The following PSMG2 variants were observed in gnomAD, a reference collection of about 807,000 sequenced individuals.
PSMG2 encodes proteasome assembly chaperone 2, also known as CD40 ligand-activated specific transcript 3.
A neutral mutation model predicts 31.5 loss-of-function variants in PSMG2; 21 were observed. The ratio of observed to expected loss-of-function variants is 0.67; its 90% CI spans 0.47 to 0.96. The LOEUF (loss-of-function observed/expected upper bound fraction) is 0.96. PSMG2 is among the 40% of genes least tolerant of loss of function. PSMG2 has a pLI of 0.00. For synonymous variants in PSMG2, 120 were observed against 110.4 expected (o/e 1.09, Z -0.54); for missense variants, 318 against 321.2 (o/e 0.99, Z 0.08).
In PSMG2 at chr18:12,686,460, A is replaced by G. The variant is rs368220385; in HGVS notation, c.-36-20090A>G. 195 of 1,590,824 alleles carry G rather than the reference A, an allele frequency of 1.2e-4. No individual in the cohort carries two copies. The African/African-American group carries it at 2.2e-3, about 18-fold the overall frequency. ...TTATCCCATTTTCATCCTAGGGAAAAGGGGAAAAACATCTGTAATGACATA... is the reference window on the plus strand; with the variant it reads ...TTATCCCATTTTCATCCTAGGGAAAGGGGGAAAAACATCTGTAATGACATA... On this transcript the variant is annotated intron_variant, in intron 1 of 6. Transcript: ENST00000585331.
chr18:12,661,418 G>A, intron 1 of PSMG2: 1 of 915,580 alleles, frequency 1.1e-6, no homozygotes, highest in Non-Finnish European at 1.3e-6. Flanking sequence ...CTTCTCAGTG[G>A]AGTTCTAGCA....
intron 1 of PSMG2, chr18:12,665,022 T>G (rs959935610): frequency 6.6e-6 from 1 of 152,094 alleles, no homozygotes; most frequent in Non-Finnish European, 1.5e-5. Flanking sequence ...AGATGGCCCT[T>G]TCCTGTTGCT....
Position 12,697,422 on chromosome 18 carries a change from C to G in PSMG2, c.-36-9128C>G, listed in dbSNP as rs1043849280. Reference sequence around the variant, plus strand: ...TAGTTCCATCACCTAGCAATATAATCCAAACGAAATTATACCACACTACAT... The same window carrying G: ...TAGTTCCATCACCTAGCAATATAATGCAAACGAAATTATACCACACTACAT... On this transcript the variant is annotated intron_variant, in intron 1 of 6. Coordinates refer to the PSMG2 transcript ENST00000585331. 2.5e-6 allele frequency: 4 copies of G among 1,575,954 alleles called. No individual in the cohort carries two copies. The Admixed American group carries it at 7.1e-5, about 28-fold the overall frequency.
chr18:12,709,323 C>T (rs1167494012), intron 2 of PSMG2, among the ~76,000 whole-genome samples: 1 of 151,554 alleles, frequency 6.6e-6, no homozygotes, highest in East Asian at 2.0e-4. Context: ...GGATTACAGG[C>T]GTGAGCCACC....
At chr18:12,690,957 C>A (rs977912633) in intron 1 of PSMG2, among the ~76,000 whole-genome samples, 1 of 147,936 alleles carries the variant, frequency 6.8e-6, no homozygotes, top group Non-Finnish European at 1.5e-5. Context: ...CCGTTCTGCA[C>A]ACAAGAGCTG....
chr18:12,703,731 C>A (rs1180044322), intron 1 of PSMG2, among the ~76,000 whole-genome samples: 1 of 152,092 alleles, frequency 6.6e-6, no homozygotes, highest in Non-Finnish European at 1.5e-5. Flanking sequence ...AGGCTAGAAG[C>A]TTGAAAGGGT....
chr18:12,718,661 T>C, intron 4 of PSMG2, 26 bp downstream of exon 4: 2 of 1,522,862 alleles, frequency 1.3e-6, no homozygotes, highest in Non-Finnish European at 1.8e-6. Flanking sequence ...TGGAAAGTTA[T>C]TTTTGGTATG....
chr18:12,705,820 C>T (rs2040263286), intron 1 of PSMG2, among the ~76,000 whole-genome samples: 1 of 152,074 alleles, frequency 6.6e-6, no homozygotes, highest in African/African-American at 2.4e-5. Flanking sequence ...AGTCTTTCCT[C>T]GAACACTCTA....
At chr18:12,680,674 A>G in intron 1 of PSMG2, 7 of 1,610,626 alleles carry the variant, frequency 4.3e-6, no homozygotes, top group Non-Finnish European at 5.9e-6. Context: ...GTGTCCTGTT[A>G]AACTCTCCCA....
chr18:12,675,067 G>T, intron 1 of PSMG2, among the ~76,000 whole-genome samples: 1 of 128,410 alleles, frequency 7.8e-6, no homozygotes, highest in South Asian at 2.3e-4. Context: ...TGGAGGACAG[G>T]TATAATTCTT....
At chr18:12,682,794 G>A (rs2039397357) in intron 1 of PSMG2, among the ~76,000 whole-genome samples, 1 of 151,468 alleles carries the variant, frequency 6.6e-6, no homozygotes, top group Non-Finnish European at 1.5e-5. Flanking sequence ...GCTAATTTTT[G>A]TATTTTTAGT....
chr18:12,689,331 A>T (rs1467616698), intron 1 of PSMG2, among the ~76,000 whole-genome samples: 1 of 152,194 alleles, frequency 6.6e-6, no homozygotes, highest in Non-Finnish European at 1.5e-5. Flanking sequence ...CATTTTATTT[A>T]CTCTATGTAT....
rs532350337 is a variant in PSMG2 at position 12,688,584 on chromosome 18, C to CT, written c.-36-17965dup. ...TATATCATTTTATTACAGCAATATT[C>CT]TAATATTATCTAAATATATCCCCAC... On this transcript the variant is annotated intron_variant, in intron 1 of 6. Coordinates refer to the PSMG2 transcript ENST00000585331. Among the ~76,000 whole-genome samples, 9 of 152,244 alleles carry CT rather than the reference C, an allele frequency of 5.9e-5. No individual in the cohort carries two copies. In the South Asian group the frequency reaches 1.9e-3, roughly 32 times the overall value.
chr18:12,695,027 CTG>C (rs1331844665), intron 1 of PSMG2, among the ~76,000 whole-genome samples: 2 of 152,108 alleles, frequency 1.3e-5, no homozygotes, highest in Non-Finnish European at 1.5e-5. Flanking sequence ...AATTCTTATG[CTG>C]TCTCAATAAA....
upstream of PSMG2, among the ~76,000 whole-genome samples, chr18:12,701,858 CGGAGG>C (rs1241432046): frequency 6.6e-6 from 1 of 152,200 alleles, no homozygotes; most frequent in Non-Finnish European, 1.5e-5. Context: ...CTGCCGGGCG[CGGAGG>C]CTCACGCCTG....
At chr18:12,707,446 C>A (rs141681883) in intron 2 of PSMG2, among the ~76,000 whole-genome samples, 13 of 152,264 alleles carry the variant, frequency 8.5e-5, no homozygotes, top group African/African-American at 2.9e-4. Flanking sequence ...TCAACTAAGT[C>A]TTATCCTCGT....
chr18:12,665,273 G>C (rs1428427082), intron 1 of PSMG2: 1 of 152,142 alleles, frequency 6.6e-6, no homozygotes, highest in Non-Finnish European at 1.5e-5. Context: ...GAAGGGTATA[G>C]GTAAAGGTAT....
chr18:12,687,510 G>A (rs1299861148), intron 1 of PSMG2, among the ~76,000 whole-genome samples: 4 of 149,088 alleles, frequency 2.7e-5, no homozygotes, highest in Non-Finnish European at 5.9e-5. Flanking sequence ...CTGGAGTGCA[G>A]TAGTGTGATT....
chr18:12,681,891 G>C (rs1015919514), intron 1 of PSMG2, among the ~76,000 whole-genome samples: 6 of 151,912 alleles, frequency 3.9e-5, no homozygotes, highest in Non-Finnish European at 8.8e-5. Context: ...AGCTACTCAG[G>C]AGGCTGAGGC....
Sources: allele counts gnomAD v4.1 joint callset (sites outside exome capture counted in the v4.1 genomes callset), GRCh38; gene constraint gnomAD v4.1.1; transcripts MANE v1.5; gene names NCBI Gene and HGNC (gene_info 2026-07-23, HGNC 2026-07-21).